Variants in DENND5B observed in about 807,000 individuals in gnomAD.
The protein encoded by DENND5B is DENN domain-containing protein 5B.
Under a neutral mutation model 140.6 loss-of-function variants are expected in DENND5B, and 34 were observed. The ratio of observed to expected loss-of-function variants is 0.24; its 90% CI spans 0.18 to 0.32. DENND5B has a LOEUF of 0.32. DENND5B is among the 10% of genes least tolerant of loss of function. DENND5B has a pLI of 1.00. For synonymous variants in DENND5B, 551 were observed against 562.1 expected (o/e 0.98, Z 0.28); for missense variants, 1,142 against 1,560.2 (o/e 0.73, Z 4.52).
At chr12:31,417,659 GA>G (rs1942819460) in intron 11 of DENND5B, among the ~76,000 whole-genome samples, 1 of 152,078 alleles carries the variant, frequency 6.6e-6, no homozygotes, top group Non-Finnish European at 1.5e-5. Flanking sequence ...TATGAAAGAA[GA>G]AAGATTATTC....
At chr12:31,478,176 T>C (rs1945908120) in intron 3 of DENND5B, among the ~76,000 whole-genome samples, 1 of 152,092 alleles carries the variant, frequency 6.6e-6, no homozygotes, top group Non-Finnish European at 1.5e-5. Context: ...TGAAACACAT[T>C]ATCAAAGAAC....
At chr12:31,516,889 T>G (rs1947677467) in intron 1 of DENND5B, among the ~76,000 whole-genome samples, 1 of 151,974 alleles carries the variant, frequency 6.6e-6, no homozygotes. Context: ...CAGTGAGCCC[T>G]GATCGTGCCA....
chr12:31,520,842 TAACAACAAC>T (rs66533164), intron 1 of DENND5B, among the ~76,000 whole-genome samples: 22 of 151,082 alleles, frequency 1.5e-4, no homozygotes, highest in Admixed American at 5.9e-4. Flanking sequence ...TAAAAATAGT[TAACAACAAC>T]AACAACAACA....
intron 1 of DENND5B, among the ~76,000 whole-genome samples, chr12:31,541,530 T>C (rs1948679455): frequency 1.3e-5 from 2 of 152,210 alleles, no homozygotes; most frequent in African/African-American, 4.8e-5. Flanking sequence ...ATGGCTTTTA[T>C]ACAAAGACAG....
intron 1 of DENND5B, among the ~76,000 whole-genome samples, chr12:31,575,586 G>A (rs1949982618): frequency 1.3e-5 from 2 of 152,174 alleles, no homozygotes; most frequent in African/African-American, 2.4e-5. Flanking sequence ...GACCACAAGA[G>A]AAGGAAGAGG....
At chr12:31,536,250 T>C (rs971150096) in intron 1 of DENND5B, among the ~76,000 whole-genome samples, 5 of 152,122 alleles carry the variant, frequency 3.3e-5, no homozygotes, top group African/African-American at 9.7e-5. Flanking sequence ...AATGCGAGAA[T>C]GGACTAATAC....
intron 1 of DENND5B, among the ~76,000 whole-genome samples, chr12:31,507,789 T>C (rs1243047937): frequency 6.6e-6 from 1 of 152,204 alleles, no homozygotes; most frequent in Non-Finnish European, 1.5e-5. Context: ...AAATAATAAA[T>C]ACAGCCACGA....
chr12:31,469,239 C>CAGG (rs1254613645), intron 3 of DENND5B, among the ~76,000 whole-genome samples: 4 of 149,378 alleles, frequency 2.7e-5, no homozygotes, highest in African/African-American at 4.9e-5. Flanking sequence ...GAGGCTGAGG[C>CAGG]AGGAGAATCA....
chr12:31,426,825 A>C, intron 8 of DENND5B: 1 of 189,548 alleles, frequency 5.3e-6, no homozygotes, highest in Non-Finnish European at 1.1e-5. Context: ...GATTTCCTCC[A>C]CTCCTTTCCC....
chr12:31,418,326 G>C (rs1942863466), intron 11 of DENND5B, among the ~76,000 whole-genome samples: 1 of 138,404 alleles, frequency 7.2e-6, no homozygotes, highest in Non-Finnish European at 1.5e-5. Context: ...TTGTCGCCCA[G>C]GCTGGAGTGC....
intron 1 of DENND5B, among the ~76,000 whole-genome samples, chr12:31,571,283 AT>A (rs1949813249): frequency 6.6e-6 from 1 of 152,232 alleles, no homozygotes; most frequent in Admixed American, 6.5e-5. Context: ...TAAGATAGAG[AT>A]CAAGAGTTTA....
At chr12:31,502,042 C>T (rs181735196) in intron 1 of DENND5B, among the ~76,000 whole-genome samples, 1 of 152,036 alleles carries the variant, frequency 6.6e-6, no homozygotes, top group Non-Finnish European at 1.5e-5. Flanking sequence ...TCTTGCCGGG[C>T]GCAGTGGCTC....
intron 3 of DENND5B, among the ~76,000 whole-genome samples, chr12:31,474,483 G>A (rs1351574335): frequency 6.6e-6 from 1 of 152,108 alleles, no homozygotes; most frequent in African/African-American, 2.4e-5. Flanking sequence ...TTTCTAGCTA[G>A]TTACCACTGC....
chr12:31,524,708 A>C (rs972070842), intron 1 of DENND5B, among the ~76,000 whole-genome samples: 6 of 114,226 alleles, frequency 5.3e-5, no homozygotes, highest in Non-Finnish European at 8.9e-5. Context: ...AAAACCAAAA[A>C]CAAAGAAAAA....
At chr12:31,549,523 G>C (rs1161408875) in intron 1 of DENND5B, among the ~76,000 whole-genome samples, 1 of 150,322 alleles carries the variant, frequency 6.7e-6, no homozygotes, top group Non-Finnish European at 1.5e-5. Context: ...TTTTTTTAAT[G>C]TGACTATTTT....
intron 3 of DENND5B, among the ~76,000 whole-genome samples, chr12:31,470,184 G>A (rs578012894): frequency 4.2e-4 from 58 of 137,926 alleles, no homozygotes; most frequent in South Asian, 9.2e-4. Context: ...GTGCGATCTC[G>A]GCTCACTGCA....
intron 1 of DENND5B, among the ~76,000 whole-genome samples, chr12:31,572,926 C>CT: frequency 6.6e-6 from 1 of 152,278 alleles, no homozygotes; most frequent in East Asian, 1.9e-4. Context: ...AAGAAAAAGA[C>CT]TTTTTAAAGA....
intron 3 of DENND5B, among the ~76,000 whole-genome samples, chr12:31,478,996 C>CA (rs944279470): frequency 1.1e-4 from 17 of 148,962 alleles, no homozygotes; most frequent in Admixed American, 1.3e-4. Context: ...AAAACATAAA[C>CA]AAAAAACCAC....
At chr12:31,501,731 C>G (rs1450901697) in intron 1 of DENND5B, among the ~76,000 whole-genome samples, 2 of 145,050 alleles carry the variant, frequency 1.4e-5, no homozygotes, top group African/African-American at 5.1e-5. Flanking sequence ...TGAGAACGCG[C>G]CACTGCACTC....
Sources: gnomAD v4.1 joint callset for allele counts (sites outside exome capture counted in the v4.1 genomes callset) on GRCh38, gnomAD v4.1.1 for gene constraint, MANE v1.5 for transcripts, NCBI Gene and HGNC (gene_info 2026-07-23, HGNC 2026-07-21) for gene names.